OSBPL10: variants seen among roughly 807,000 people sequenced by gnomAD.
OSBPL10 encodes oxysterol binding protein like 10.
Under a neutral mutation model 81.7 loss-of-function variants are expected in OSBPL10, and 49 were observed. The ratio of observed to expected loss-of-function variants is 0.60; its 90% CI spans 0.48 to 0.76. The LOEUF (loss-of-function observed/expected upper bound fraction) is 0.76, where lower values mean the gene tolerates loss of function less well. Ranked by LOEUF, OSBPL10 falls within the 30% of genes least tolerant of loss-of-function variation. The pLI is 0.00. For missense variants in OSBPL10, 923 were observed against 987.8 expected (o/e 0.93, Z 0.88); for synonymous variants, 419 against 383.6 (o/e 1.09, Z -1.08).
intron 1 of OSBPL10, 40 bp downstream of exon 1, chr3:31,980,859 A>G (rs1449767801): frequency 7.9e-6 from 12 of 1,521,414 alleles, no homozygotes; most frequent in East Asian, 5.3e-5. Flanking sequence ...ACACACACAC[A>G]CACAGCGGCG....
At chr3:31,804,314 G>T (rs1699470816) in intron 4 of OSBPL10, among the ~76,000 whole-genome samples, 1 of 152,018 alleles carries the variant, frequency 6.6e-6, no homozygotes, top group Non-Finnish European at 1.5e-5. Flanking sequence ...TAATAATTCT[G>T]ATATTATCTC....
intron 1 of OSBPL10, among the ~76,000 whole-genome samples, chr3:31,927,942 G>A (rs560127095): frequency 1.3e-5 from 2 of 152,242 alleles, no homozygotes; most frequent in South Asian, 4.2e-4. Flanking sequence ...GAACAGGGAG[G>A]CTGCCATACA....
intron 3 of OSBPL10, among the ~76,000 whole-genome samples, chr3:31,856,054 C>T (rs1700904596): frequency 1.5e-5 from 2 of 137,768 alleles, no homozygotes; most frequent in African/African-American, 2.7e-5. Flanking sequence ...ATGTTATATA[C>T]ATTTATGTTT....
chr3:31,691,774 C>T (rs1001378055), intron 7 of OSBPL10, among the ~76,000 whole-genome samples: 1 of 151,902 alleles, frequency 6.6e-6, no homozygotes, highest in African/African-American at 2.4e-5. Context: ...TGGGAGCCAT[C>T]TTCGTATTTT....
intron 4 of OSBPL10, among the ~76,000 whole-genome samples, chr3:31,772,583 GC>G: frequency 6.6e-6 from 1 of 152,316 alleles, no homozygotes; most frequent in Admixed American, 6.5e-5. Flanking sequence ...CCTCCAAGGG[GC>G]CCCAGAGCTG....
At chr3:31,820,627 A>G (rs568217714) in intron 4 of OSBPL10, among the ~76,000 whole-genome samples, 5 of 152,274 alleles carry the variant, frequency 3.3e-5, no homozygotes, top group Admixed American at 2.6e-4. Context: ...ACATAAAGAA[A>G]TATTTGCTAA....
chr3:31,685,408 G>T (rs190845831), intron 7 of OSBPL10, among the ~76,000 whole-genome samples: 1 of 152,214 alleles, frequency 6.6e-6, no homozygotes, highest in East Asian at 1.9e-4. Context: ...TCACCATGTT[G>T]CCCAGGCTCA....
At chr3:31,804,350 C>T (rs1056124197) in intron 4 of OSBPL10, among the ~76,000 whole-genome samples, 35 of 152,178 alleles carry the variant, frequency 2.3e-4, no homozygotes, top group African/African-American at 8.2e-4. Context: ...AAAAACGAGG[C>T]AAGGAGAGGT....
chr3:31,813,509 C>T (rs1699760571), intron 4 of OSBPL10, among the ~76,000 whole-genome samples: 1 of 152,184 alleles, frequency 6.6e-6, no homozygotes, highest in African/African-American at 2.4e-5. Flanking sequence ...GTTAAGGCTA[C>T]AAAAATTAAA....
chr3:31,850,135 A>AGCCTG (rs1258963893), intron 3 of OSBPL10, among the ~76,000 whole-genome samples: 3 of 152,210 alleles, frequency 2.0e-5, no homozygotes, highest in Non-Finnish European at 4.4e-5. Flanking sequence ...ACTGCACTCC[A>AGCCTG]GCCTGGGTGA....
chr3:31,747,487 T>TAAAAAAAAAAAAAAAAAAAAAA (rs61150758), intron 5 of OSBPL10, among the ~76,000 whole-genome samples: 1 of 98,486 alleles, frequency 1.0e-5, no homozygotes, highest in African/African-American at 3.7e-5. Flanking sequence ...AATCTTCAAA[T>TAAAAAAAAAAAAAAAAAAAAAA]AAAAAAAAAA....
At chr3:32,057,401 C>T (rs185818851) in intron 1 of OSBPL10, among the ~76,000 whole-genome samples, 1 of 152,094 alleles carries the variant, frequency 6.6e-6, no homozygotes, top group African/African-American at 2.4e-5. Context: ...TGTATTAGTC[C>T]ATTTTCATAC....
At chr3:32,046,907 A>G (rs1447096350) in intron 1 of OSBPL10, among the ~76,000 whole-genome samples, 1 of 152,238 alleles carries the variant, frequency 6.6e-6, no homozygotes, top group Non-Finnish European at 1.5e-5. Context: ...CCCTGTTACC[A>G]GAAAAAGGGT....
chr3:31,978,696 G>T (rs905981699), intron 1 of OSBPL10, among the ~76,000 whole-genome samples: 6 of 152,158 alleles, frequency 3.9e-5, no homozygotes, highest in Non-Finnish European at 5.9e-5. Flanking sequence ...ACTGTGGTAA[G>T]AACAAACATA....
intron 1 of OSBPL10, among the ~76,000 whole-genome samples, chr3:31,980,357 A>G (rs1277431192): frequency 6.6e-6 from 1 of 152,186 alleles, no homozygotes; most frequent in Non-Finnish European, 1.5e-5. Context: ...GCAAGGCACA[A>G]ACTGGGGCAG....
chr3:31,708,277 G>T (rs1696135829), intron 6 of OSBPL10, among the ~76,000 whole-genome samples: 1 of 152,154 alleles, frequency 6.6e-6, no homozygotes, highest in South Asian at 2.1e-4. Context: ...TTGCAGTACA[G>T]AATCCATAAA....
intron 4 of OSBPL10, among the ~76,000 whole-genome samples, chr3:31,796,874 C>G (rs979416892): frequency 6.6e-6 from 1 of 152,106 alleles, no homozygotes; most frequent in Admixed American, 6.5e-5. Flanking sequence ...TAATAGACAC[C>G]TTTCCTCCCC....
At chr3:31,812,816 A>AAGAAAGAGAGAG (rs1699739630) in intron 4 of OSBPL10, among the ~76,000 whole-genome samples, 1 of 32,424 alleles carries the variant, frequency 3.1e-5, no homozygotes, top group Non-Finnish European at 5.7e-5. Flanking sequence ...GAAAGAAAGA[A>AAGAAAGAGAGAG]AGAGAAAGAA....
chr3:31,867,087 CCA>C (rs1403070611), intron 3 of OSBPL10, among the ~76,000 whole-genome samples: 2 of 152,124 alleles, frequency 1.3e-5, no homozygotes, highest in Admixed American at 1.3e-4. Flanking sequence ...GCCAATCTAA[CCA>C]CAGTGTCTTC....
Sources: gnomAD v4.1 joint callset for allele counts (sites outside exome capture counted in the v4.1 genomes callset) on GRCh38, gnomAD v4.1.1 for gene constraint, MANE v1.5 for transcripts, NCBI Gene and HGNC (gene_info 2026-07-23, HGNC 2026-07-21) for gene names.